PLG: variants seen among roughly 807,000 people sequenced by gnomAD.
PLG encodes plasmin.
Under a neutral mutation model 104.4 loss-of-function variants are expected in PLG, and 41 were observed. The observed-to-expected ratio is 0.39, with a 90% CI of 0.31 to 0.51. The LOEUF is 0.51. Among genes scored for constraint, PLG ranks in the 20% least tolerant of loss-of-function variants. The probability of loss-of-function intolerance (pLI) is 0.76; values close to 1 mark genes in which losing one functional copy is unlikely to be tolerated. For missense variants in PLG, 891 were observed against 1,003.6 expected, an observed-to-expected ratio of 0.89 and a Z score of 1.52; for synonymous variants, 337 against 357.1, an observed-to-expected ratio of 0.94 and a Z score of 0.63.
At position 160,722,578 on chromosome 6, in the gene PLG, G is replaced by C. The variant is rs1319811532; in HGVS notation, c.1256+11G>C. ...AAACTACCCAAATGCGTATGTCTTT[G>C]ATTTTTACTGTAAGAGGGGCATCAG... On this transcript the variant is annotated intron_variant, in intron 10 of 18. Coordinates refer to ENST00000308192, the MANE Select transcript of PLG (RefSeq NM_000301.5). 6.2e-7 allele frequency: 1 copy of C among 1,612,104 alleles called. No homozygotes were observed. Among genetic ancestry groups the C allele is most frequent in the African/African-American group, 1.3e-5 (1 of 74,974 alleles).
chr6:160,738,640 G>C lies in PLG; in HGVS notation c.1877+28G>C. The C allele has an allele frequency of 7.1e-7, 1 of 1,407,622 alleles. No homozygotes were observed. Among genetic ancestry groups the C allele is most frequent in the Non-Finnish European group, 1.0e-6 (1 of 991,380 alleles). The allele number at this position is 1,407,622 out of a possible 1,614,324, so 87.2% of individuals were successfully genotyped here. A position where few individuals can be genotyped will look rare whatever the true frequency, so the allele number is the denominator to read the frequency against. On this transcript the variant is annotated intron_variant, in intron 15 of 18. Transcript: ENST00000308192. The surrounding 1 kb of genome is among the most constrained non-coding windows in gnomAD (Gnocchi z 6.8). ...ATGTTTAGGGGACAATTGACATGAA[G>C]TCTTGTCTTAAATACTTTTTCTGTC...
In PLG at chr6:160,752,012, C is replaced by A; in HGVS notation, c.2126-103C>A. 1 of 982,670 alleles carries A rather than the reference C, an allele frequency of 1.0e-6. No individual in the cohort carries two copies. 60.9% of individuals were successfully genotyped at this position (982,670 alleles called of 1,614,324 possible). ...GCATTGGGAGCTGCCTCGTGTTCTG[C>A]AGCCTCACAGACAGGAGGTCCAGTG... is the stretch of plus-strand genomic sequence containing the variant. On this transcript the variant is annotated intron_variant, in intron 17 of 18. Coordinates refer to ENST00000308192, the MANE Select transcript of PLG (RefSeq NM_000301.5). The surrounding 1 kb of genome is among the most constrained non-coding windows in gnomAD (Gnocchi z 4.7).
chr6:160,744,597 T>C lies in PLG; in HGVS notation c.2125+3180T>C, dbSNP rs1778248682. On this transcript the variant is annotated intron_variant, in intron 17 of 18. Coordinates refer to ENST00000308192, the MANE Select transcript of PLG (RefSeq NM_000301.5). The surrounding 1 kb of genome is among the most constrained non-coding windows in gnomAD (Gnocchi z 4.5). ...GCAGCCTACCTATCTTATTACTGTT[T>C]TCAAAAAACCAACTACTGGACTTGT... Among the ~76,000 whole-genome samples, 1 of 152,206 alleles carries C rather than the reference T, an allele frequency of 6.6e-6. No individual in the cohort carries two copies. Among genetic ancestry groups the C allele is most frequent in the African/African-American group, 2.4e-5 (1 of 41,460 alleles).
rs1778242922 is a variant in PLG, at chr6:160,744,200, T to C, written c.2125+2783T>C. Among the ~76,000 whole-genome samples, 1 of 152,228 alleles carries C rather than the reference T, an allele frequency of 6.6e-6. No homozygotes were observed. The highest frequency in any genetic ancestry group is 1.5e-5 in the Non-Finnish European group (1 of 68,046). On this transcript the variant is annotated intron_variant, in intron 17 of 18. Coordinates refer to ENST00000308192, the MANE Select transcript of PLG (RefSeq NM_000301.5). The surrounding 1 kb of genome is among the most constrained non-coding windows in gnomAD (Gnocchi z 4.5). ...GAATGAATTGGAGAGGAGACCCTCC[T>C]CCTCAGTTTTTTTGAACGGTTTCAG...
At chr6:160,707,173 T>C (rs1014798284) in intron 2 of PLG, among the ~76,000 whole-genome samples, 1 of 151,746 alleles carries the variant, frequency 6.6e-6, no homozygotes, top group African/African-American at 2.4e-5. Context: ...CATTAAGAGA[T>C]GAAGTTGACT....
rs116068432 is a variant in PLG, at chr6:160,744,517, A to G, written c.2125+3100A>G. Among the ~76,000 whole-genome samples, 3,276 of 152,008 alleles carry G rather than the reference A, an allele frequency of 0.022. 103 individuals carry two copies. Among genetic ancestry groups the G allele is most frequent in the African/African-American group, 0.075 (3,095 of 41,448 alleles). The stretch of plus-strand genomic sequence containing the variant: ...CATCAGTGCTAACATCCCCTTTGTC[A>G]TTTCTAATTGTGTTTATTTTGGTCT... On this transcript the variant is annotated intron_variant, in intron 17 of 18. Coordinates refer to ENST00000308192, the MANE Select transcript of PLG (RefSeq NM_000301.5). The surrounding 1 kb of genome is among the most constrained non-coding windows in gnomAD (Gnocchi z 4.5).
intron 17 of PLG, among the ~76,000 whole-genome samples, chr6:160,750,577 G>T (rs972720362): frequency 6.6e-6 from 1 of 152,232 alleles, no homozygotes; most frequent in African/African-American, 2.4e-5. Context: ...TGGTAGTCAA[G>T]AGGAGCTTCC....
Position 160,726,489 on chromosome 6 carries a change from T to C in PLG, c.1256+3922T>C, listed in dbSNP as rs1777924136. On this transcript the variant is annotated intron_variant, in intron 10 of 18. Coordinates refer to ENST00000308192, the MANE Select transcript of PLG (RefSeq NM_000301.5). The surrounding 1 kb of genome is among the most constrained non-coding windows in gnomAD (Gnocchi z 4.4). ...GAAAATAGAAACATGTAAAAATCAA[T>C]GACTTAAGATGGCATTTCTCAAAGT... Among the ~76,000 whole-genome samples, 1 of 151,992 alleles carries C rather than the reference T, an allele frequency of 6.6e-6. No individual in the cohort carries two copies. Among genetic ancestry groups the C allele is most frequent in the Non-Finnish European group, 1.5e-5 (1 of 67,904 alleles).
chr6:160,751,311 A>G (rs943831782), intron 17 of PLG, among the ~76,000 whole-genome samples: 1 of 152,220 alleles, frequency 6.6e-6, no homozygotes, highest in African/African-American at 2.4e-5. Context: ...CAGTGACTCC[A>G]CAGACCCAGG....
At chr6:160,728,438 T>C (rs887372596) in intron 10 of PLG, among the ~76,000 whole-genome samples, 3 of 152,196 alleles carry the variant, frequency 2.0e-5, no homozygotes, top group Admixed American at 2.0e-4. Context: ...AAAATGTATA[T>C]GCTAGAATCA....
intron 3 of PLG, 126 bp from the exon 4 acceptor site, chr6:160,710,951 G>A: frequency 1.2e-6 from 1 of 822,020 alleles, no homozygotes; most frequent in Admixed American, 2.0e-5. Context: ...TGCAAAAGAT[G>A]ATCTTTTAGA....
At chr6:160,712,390 GAGAAAACC>G (rs1300688663) in intron 4 of PLG, 1 of 156,428 alleles carries the variant, frequency 6.4e-6, no homozygotes, top group East Asian at 1.9e-4. Context: ...CTGCATTTCA[GAGAAAACC>G]AGGACTTTGG....
At chr6:160,715,066 G>A in intron 6 of PLG, 152 bp downstream of exon 6, 1 of 786,878 alleles carries the variant, frequency 1.3e-6, no homozygotes, top group South Asian at 1.5e-5. Context: ...AATATTGCAA[G>A]TGAAATACGC....
Position 160,711,008 on chromosome 6 carries a change from A to G in PLG, c.293-69A>G, listed in dbSNP as rs1346490140. 6 of 1,482,632 alleles carry G rather than the reference A, an allele frequency of 4.0e-6. No individual in the cohort carries two copies. The African/African-American group carries it at 4.2e-5, about 10-fold the overall frequency. 91.8% of individuals were successfully genotyped at this position (1,482,632 alleles called of 1,614,324 possible). Reference sequence around the variant, plus strand: ...TGCATGAGATCTTTTTCTCAACGTGACTATGCTGTGCAGACCTTCATGTGG... The same window carrying G: ...TGCATGAGATCTTTTTCTCAACGTGGCTATGCTGTGCAGACCTTCATGTGG... On this transcript the variant is annotated intron_variant, in intron 3 of 18. Transcript: ENST00000308192.
In PLG at chr6:160,731,826, C is replaced by G. The variant is rs372603134; in HGVS notation, c.1520C>G (p.Ala507Gly). 6.2e-7 allele frequency: 1 copy of G among 1,613,900 alleles called. No individual in the cohort carries two copies. The highest frequency in any genetic ancestry group is 1.7e-5 in the Admixed American group (1 of 59,994). Residue 507 changes from alanine (A) to glycine (G), a missense_variant, in exon 12 of 19, where the codon GCC becomes GGC. Transcript: ENST00000308192. This position sits in a 1 kb window ranked among gnomAD's most constrained non-coding sequence, Gnocchi z 5.1. ...VTGTPCQDWA[A>G]QEPHRHSIFT... ...GGGACGCCATGCCAGGACTGGGCTG[C>G]CCAGGAGCCCCATAGACACAGCATT...
chr6:160,703,791 C>T (rs1386009739), intron 1 of PLG, among the ~76,000 whole-genome samples: 1 of 152,196 alleles, frequency 6.6e-6, no homozygotes, highest in Non-Finnish European at 1.5e-5. Context: ...GTGGGCTACA[C>T]CCAAAGGCTA....
chr6:160,726,353 G>A lies in PLG; in HGVS notation c.1256+3786G>A, dbSNP rs1364131233. Among the ~76,000 whole-genome samples the A allele has an allele frequency of 6.6e-6, 1 of 151,982 alleles. No individual in the cohort carries two copies. The highest frequency in any genetic ancestry group is 6.6e-5 in the Admixed American group (1 of 15,246). ...ATTTCCAAATACTTCATAAGTCAAA[G>A]AAGGAATTTAGAAAAGTTTTGAACT... On this transcript the variant is annotated intron_variant, in intron 10 of 18. Coordinates refer to ENST00000308192, the MANE Select transcript of PLG (RefSeq NM_000301.5). This position sits in a 1 kb window ranked among gnomAD's most constrained non-coding sequence, Gnocchi z 4.4.
intron 10 of PLG, among the ~76,000 whole-genome samples, chr6:160,729,169 A>T (rs2115172034): frequency 6.6e-6 from 1 of 152,336 alleles, no homozygotes; most frequent in East Asian, 1.9e-4. Context: ...CATTTTAGCC[A>T]TCAAAGATAT....
In PLG at chr6:160,739,967, G is replaced by A. The variant is rs1038940753; in HGVS notation, c.2018+759G>A. On this transcript the variant is annotated intron_variant, in intron 16 of 18. Transcript: ENST00000308192. This position sits in a 1 kb window ranked among gnomAD's most constrained non-coding sequence, Gnocchi z 4.4. ...TTATGTCACTCATTTAGTGCTGTTTGGAGCCAGATACTAGTTGAGTCAGCT... is the reference window on the plus strand; with the variant it reads ...TTATGTCACTCATTTAGTGCTGTTTAGAGCCAGATACTAGTTGAGTCAGCT... Among the ~76,000 whole-genome samples the A allele has an allele frequency of 1.3e-5, 2 of 152,142 alleles. No individual in the cohort carries two copies. Among genetic ancestry groups the A allele is most frequent in the Admixed American group, 1.3e-4 (2 of 15,286 alleles).
Sources: allele counts gnomAD v4.1 joint callset (sites outside exome capture counted in the v4.1 genomes callset), GRCh38; gene constraint gnomAD v4.1.1; non-coding constraint Gnocchi (gnomAD v3.1); transcripts MANE v1.5; gene names NCBI Gene and HGNC (gene_info 2026-07-23, HGNC 2026-07-21).